WDR27: variants seen among roughly 807,000 people sequenced by gnomAD.
The protein encoded by WDR27 is WD repeat-containing protein 27.
A neutral mutation model predicts 114.4 loss-of-function variants in WDR27; 100 were observed. The observed-to-expected ratio is 0.87, with a 90% confidence interval of 0.74 to 1.03. The LOEUF (loss-of-function observed/expected upper bound fraction) is 1.03. Among genes scored for constraint, WDR27 ranks in the 50% least tolerant of loss-of-function variants. WDR27 has a pLI of 0.00. For missense variants in WDR27, 1,129 were observed against 1,092.9 expected, an observed-to-expected ratio of 1.03 and a Z score of -0.47; for synonymous variants, 449 against 423.1, an observed-to-expected ratio of 1.06 and a Z score of -0.75.
chr6:169,580,205 C>A (rs746982086), intron 24 of WDR27, among the ~76,000 whole-genome samples: 7 of 152,222 alleles, frequency 4.6e-5, no homozygotes, highest in Non-Finnish European at 1.0e-4. Context: ...TACTATCTTT[C>A]CTTCAAAACA....
chr6:169,693,716 A>T (rs918259355), intron 1 of WDR27, among the ~76,000 whole-genome samples: 2 of 152,180 alleles, frequency 1.3e-5, no homozygotes, highest in Non-Finnish European at 2.9e-5. Flanking sequence ...ATAGACTTGA[A>T]AGCAACAAGT....
At chr6:169,621,735 T>C (rs1217977083) in intron 21 of WDR27, among the ~76,000 whole-genome samples, 1 of 143,900 alleles carries the variant, frequency 6.9e-6, no homozygotes, top group African/African-American at 2.6e-5. Flanking sequence ...TTCACACATA[T>C]ACATACACAC....
intron 22 of WDR27, among the ~76,000 whole-genome samples, chr6:169,608,732 T>G (rs1006284695): frequency 3.9e-5 from 6 of 152,186 alleles, no homozygotes; most frequent in African/African-American, 1.4e-4. Flanking sequence ...CCAAATCTCA[T>G]GTCCTCACAT....
the WDR27 span, among the ~76,000 whole-genome samples, chr6:169,437,480 A>G: frequency 6.6e-6 from 1 of 152,152 alleles, no homozygotes; most frequent in South Asian, 2.1e-4. Flanking sequence ...GTTTCTACCT[A>G]TTTTCAAATT....
chr6:169,697,919 T>C (rs1786663098), intron 1 of WDR27, among the ~76,000 whole-genome samples: 2 of 152,176 alleles, frequency 1.3e-5, no homozygotes, highest in South Asian at 2.1e-4. Flanking sequence ...GTGTCTTTAT[T>C]TCTACACTCG....
At chr6:169,459,972 A>C (rs1221826050) in intron 25 of WDR27, among the ~76,000 whole-genome samples, 1 of 152,166 alleles carries the variant, frequency 6.6e-6, no homozygotes, top group East Asian at 1.9e-4. Context: ...GAGCCCCACA[A>C]GGTGAAATAA....
At chr6:169,596,816 C>A (rs1402186246) in intron 23 of WDR27, among the ~76,000 whole-genome samples, 1 of 152,096 alleles carries the variant, frequency 6.6e-6, no homozygotes. Context: ...AAAGTGTAAT[C>A]ATATTTACAT....
chr6:169,594,476 T>C (rs1029757194), intron 23 of WDR27, among the ~76,000 whole-genome samples: 1 of 152,234 alleles, frequency 6.6e-6, no homozygotes, highest in African/African-American at 2.4e-5. Flanking sequence ...AACCTTATAA[T>C]TTCTGTGCAC....
intron 19 of WDR27, 69 bp from the exon 20 acceptor site, chr6:169,634,594 A>G: frequency 2.1e-6 from 2 of 958,204 alleles, no homozygotes; most frequent in Non-Finnish European, 3.2e-6. Flanking sequence ...CCTTATCTTT[A>G]AAAACATTAA....
intron 23 of WDR27, among the ~76,000 whole-genome samples, chr6:169,592,675 G>T (rs1352096645): frequency 6.6e-6 from 1 of 152,136 alleles, no homozygotes; most frequent in African/African-American, 2.4e-5. Context: ...CTGTTAAGTT[G>T]TCCTGTCTAA....
At chr6:169,632,374 T>C (rs1193079307) in intron 21 of WDR27, among the ~76,000 whole-genome samples, 2 of 152,138 alleles carry the variant, frequency 1.3e-5, no homozygotes, top group South Asian at 2.1e-4. Flanking sequence ...ACAACCAAAA[T>C]TGCAGTTTTA....
chr6:169,548,044 T>A (rs1177361294), intron 25 of WDR27, among the ~76,000 whole-genome samples: 1 of 151,990 alleles, frequency 6.6e-6, no homozygotes, highest in Non-Finnish European at 1.5e-5. Flanking sequence ...ATACCAACAA[T>A]GAACAAGTGG....
intron 5 of WDR27, among the ~76,000 whole-genome samples, 170 bp downstream of exon 5, chr6:169,667,812 C>T (rs867720309): frequency 1.3e-5 from 2 of 152,226 alleles, no homozygotes; most frequent in Non-Finnish European, 2.9e-5. Context: ...GCAAAACATC[C>T]GGGCTTGGCG....
chr6:169,631,427 G>C lies in WDR27; in HGVS notation c.2223+1520C>G, dbSNP rs577867320. Among the ~76,000 whole-genome samples, 52 of 152,040 alleles carry C rather than the reference G, an allele frequency of 3.4e-4. 1 individual carries two copies. Among genetic ancestry groups the C allele is most frequent in the South Asian group, 6.2e-4 (3 of 4,826 alleles). ...CTATTAATGAACTGGGTGGTGGGGT[G>C]GGGGGGTGGAAGATTAAAAGGAAGG... On this transcript the variant is annotated intron_variant, in intron 21 of 25. Coordinates refer to ENST00000448612, the MANE Select transcript of WDR27 (RefSeq NM_182552.5).
At chr6:169,628,444 C>T (rs917259299) in intron 21 of WDR27, among the ~76,000 whole-genome samples, 4 of 152,194 alleles carry the variant, frequency 2.6e-5, no homozygotes, top group East Asian at 1.9e-4. Context: ...AGGAACACAG[C>T]GTGTCACAGG....
intron 14 of WDR27, among the ~76,000 whole-genome samples, chr6:169,651,184 G>GGGGGGGGGGA: frequency 1.1e-5 from 1 of 92,540 alleles, no homozygotes; most frequent in East Asian, 6.2e-4. Context: ...AGTGCGGGGC[G>GGGGGGGGGGA]GGGGGGGGGA....
intron 17 of WDR27, among the ~76,000 whole-genome samples, chr6:169,642,989 G>A (rs2128230064): frequency 6.6e-6 from 1 of 152,298 alleles, no homozygotes; most frequent in Admixed American, 6.5e-5. Flanking sequence ...ATGCTTCAAC[G>A]AGCATCTCCT....
chr6:169,540,961 C>A (rs1796768642), intron 25 of WDR27, among the ~76,000 whole-genome samples: 1 of 152,136 alleles, frequency 6.6e-6, no homozygotes, highest in Non-Finnish European at 1.5e-5. Flanking sequence ...GTGCCTTGGA[C>A]ATGAACACCA....
chr6:169,440,645 T>C, the WDR27 span, among the ~76,000 whole-genome samples: 1 of 152,170 alleles, frequency 6.6e-6, no homozygotes, highest in Non-Finnish European at 1.5e-5. Flanking sequence ...ATTATTGTAA[T>C]AATAATTACA....
Sources: gnomAD v4.1 joint callset for allele counts (sites outside exome capture counted in the v4.1 genomes callset) on GRCh38, gnomAD v4.1.1 for gene constraint, MANE v1.5 for transcripts, NCBI Gene and HGNC (gene_info 2026-07-23, HGNC 2026-07-21) for gene names.